The following SPAG16 variants were observed in gnomAD, a reference collection of about 807,000 sequenced individuals.
SPAG16 encodes sperm associated antigen 16, also known as sperm-associated antigen 16 protein.
In SPAG16, 86 loss-of-function variants were observed where a neutral mutation model predicts 80.4. The observed-to-expected ratio is 1.07, with a 90% CI of 0.90 to 1.28. The LOEUF (loss-of-function observed/expected upper bound fraction) is 1.28. Among genes scored for constraint, SPAG16 ranks in the 50% most tolerant of loss-of-function variants. The pLI, the probability that SPAG16 is intolerant of heterozygous loss-of-function variation, is 0.00. For synonymous variants in SPAG16, 294 were observed against 265.9 expected (o/e 1.11, Z -1.03); for missense variants, 870 against 765.3 (o/e 1.14, Z -1.61).
chr2:213,305,695 C>T (rs2062913380), intron 3 of SPAG16, among the ~76,000 whole-genome samples: 1 of 152,112 alleles, frequency 6.6e-6, no homozygotes, highest in Non-Finnish European at 1.5e-5. Flanking sequence ...TCCTTGCATT[C>T]CAAGGATGAA....
At chr2:213,343,566 C>A (rs11688212) in intron 6 of SPAG16, among the ~76,000 whole-genome samples, 30,830 of 151,676 alleles carry the variant, frequency 0.2, 3,913 homozygotes, top group Non-Finnish European at 0.29. Flanking sequence ...AAGAAAATTA[C>A]AGAATTAGCA....
chr2:213,900,731 C>T (rs2077186536), intron 11 of SPAG16, among the ~76,000 whole-genome samples: 2 of 152,066 alleles, frequency 1.3e-5, no homozygotes, highest in African/African-American at 4.8e-5. Flanking sequence ...ACATCCTGGA[C>T]ATTCATCATT....
chr2:213,570,922 T>C (rs1206001825), intron 10 of SPAG16, among the ~76,000 whole-genome samples: 1 of 36,928 alleles, frequency 2.7e-5, no homozygotes, highest in Non-Finnish European at 4.3e-5. Context: ...TGGGTGCTCC[T>C]GTATTGGGTG....
At chr2:213,924,445 TTC>T (rs1469501206) in intron 11 of SPAG16, among the ~76,000 whole-genome samples, 1 of 152,190 alleles carries the variant, frequency 6.6e-6, no homozygotes, top group Non-Finnish European at 1.5e-5. Context: ...CTCCTCTCTG[TTC>T]TCTGTGTTCT....
intron 10 of SPAG16, among the ~76,000 whole-genome samples, chr2:213,524,094 G>GC (rs2075790002): frequency 6.6e-6 from 1 of 152,116 alleles, no homozygotes; most frequent in African/African-American, 2.4e-5. Flanking sequence ...TGGGACCAGG[G>GC]CCCCCTTGCT....
At chr2:213,763,880 A>G (rs888213232) in intron 10 of SPAG16, among the ~76,000 whole-genome samples, 2 of 152,230 alleles carry the variant, frequency 1.3e-5, no homozygotes, top group African/African-American at 4.8e-5. Flanking sequence ...AGCAAATGAA[A>G]TAAACTTTGA....
At chr2:213,784,665 G>C (rs1051511845) in intron 10 of SPAG16, among the ~76,000 whole-genome samples, 1 of 138,340 alleles carries the variant, frequency 7.2e-6, no homozygotes, top group African/African-American at 2.7e-5. Context: ...AACTGTGAGA[G>C]CTCCGTGATA....
chr2:214,078,868 T>C (rs891782180), intron 13 of SPAG16, among the ~76,000 whole-genome samples: 1 of 152,206 alleles, frequency 6.6e-6, no homozygotes, highest in African/African-American at 2.4e-5. Flanking sequence ...AGGAATATTT[T>C]GGATTTCCAG....
At chr2:213,299,184 T>A (rs2062622973) in intron 3 of SPAG16, among the ~76,000 whole-genome samples, 1 of 152,214 alleles carries the variant, frequency 6.6e-6, no homozygotes, top group Admixed American at 6.5e-5. Flanking sequence ...GTTATGATAC[T>A]ATTAGGAAAG....
At chr2:213,686,329 A>G (rs957922863) in intron 10 of SPAG16, among the ~76,000 whole-genome samples, 1 of 152,116 alleles carries the variant, frequency 6.6e-6, no homozygotes, top group East Asian at 1.9e-4. Flanking sequence ...ATATTGGCCA[A>G]GCTGATCCAA....
chr2:214,195,038 T>G (rs2057783970), intron 15 of SPAG16, among the ~76,000 whole-genome samples: 1 of 152,024 alleles, frequency 6.6e-6, no homozygotes, highest in African/African-American at 2.4e-5. Context: ...TTATAATACA[T>G]TTTGAATTAC....
chr2:213,846,104 A>G (rs1406267137), intron 10 of SPAG16, among the ~76,000 whole-genome samples: 1 of 152,202 alleles, frequency 6.6e-6, no homozygotes, highest in African/African-American at 2.4e-5. Context: ...TATAACTTAA[A>G]ACATACCAAC....
chr2:213,966,164 G>A (rs1236914271), intron 12 of SPAG16, among the ~76,000 whole-genome samples: 1 of 152,108 alleles, frequency 6.6e-6, no homozygotes, highest in Non-Finnish European at 1.5e-5. Flanking sequence ...GGGAGAAGAT[G>A]GAGACACATC....
chr2:214,242,580 C>G (rs2125829163), intron 15 of SPAG16, among the ~76,000 whole-genome samples: 1 of 151,824 alleles, frequency 6.6e-6, no homozygotes, highest in Admixed American at 6.6e-5. Context: ...TATTTTGTTT[C>G]AAAAAATAAG....
chr2:213,865,936 C>CTATA (rs3046040), intron 11 of SPAG16, among the ~76,000 whole-genome samples: 3 of 147,270 alleles, frequency 2.0e-5, no homozygotes, highest in African/African-American at 7.4e-5. Context: ...TATATATATA[C>CTATA]TATATATATA....
At chr2:213,367,278 A>T (rs896227066) in intron 8 of SPAG16, among the ~76,000 whole-genome samples, 1 of 151,476 alleles carries the variant, frequency 6.6e-6, no homozygotes, top group Admixed American at 6.6e-5. Flanking sequence ...CAGCAGCATG[A>T]TTTATAATCC....
intron 10 of SPAG16, among the ~76,000 whole-genome samples, chr2:213,679,614 G>A (rs763863986): frequency 4.3e-4 from 66 of 151,974 alleles, no homozygotes; most frequent in Non-Finnish European, 7.9e-4. Context: ...CTGTTGCTCC[G>A]GTGATTTATG....
At chr2:213,707,345 ACT>A (rs1285018575) in intron 10 of SPAG16, among the ~76,000 whole-genome samples, 1 of 151,936 alleles carries the variant, frequency 6.6e-6, no homozygotes, top group African/African-American at 2.4e-5. Context: ...CACTGTTTTC[ACT>A]CTCTTGTTGG....
rs2064362948 is a variant in SPAG16 at position 213,681,239 on chromosome 2, T to C, written c.1071-181246T>C. On this transcript the variant is annotated intron_variant, in intron 10 of 15. Transcript: ENST00000331683. ...ATGGCAAGGAAATATATTTTGGGGT[T>C]AAATATTTTTTCCTTGTCTTGTAAT... Among the ~76,000 whole-genome samples the C allele has an allele frequency of 2.0e-5, 3 of 152,170 alleles. No homozygotes were observed. In the South Asian group the frequency reaches 6.2e-4, roughly 31 times the overall value.
Sources: gnomAD v4.1 joint callset for allele counts (sites outside exome capture counted in the v4.1 genomes callset) on GRCh38, gnomAD v4.1.1 for gene constraint, MANE v1.5 for transcripts, NCBI Gene and HGNC (gene_info 2026-07-23, HGNC 2026-07-21) for gene names.